BNC2: variants seen among roughly 807,000 people sequenced by gnomAD.
BNC2 encodes the protein zinc finger protein basonuclin-2.
Under a neutral mutation model 76.3 loss-of-function variants are expected in BNC2, and 20 were observed. The observed-to-expected ratio is 0.26, with a 90% CI of 0.18 to 0.38. The LOEUF (loss-of-function observed/expected upper bound fraction) is 0.38. Ranked by LOEUF, BNC2 falls within the 10% of genes least tolerant of loss-of-function variation. The pLI is 1.00. For missense variants in BNC2, 1,382 were observed against 1,399.8 expected (o/e 0.99, Z 0.20); for synonymous variants, 582 against 514.8 (o/e 1.13, Z -1.77).
intron 4 of BNC2, among the ~76,000 whole-genome samples, chr9:16,563,794 G>T (rs1362299418): frequency 6.6e-6 from 1 of 152,072 alleles, no homozygotes; most frequent in East Asian, 1.9e-4. Context: ...ATGGATACAT[G>T]AACTAATCTG....
At chr9:16,785,096 G>A (rs1826249596) in intron 1 of BNC2, among the ~76,000 whole-genome samples, 1 of 152,212 alleles carries the variant, frequency 6.6e-6, no homozygotes, top group Admixed American at 6.5e-5. Flanking sequence ...GAAAGGGAAT[G>A]TGTTTGCACT....
At chr9:16,530,957 G>A (rs539544336) in intron 5 of BNC2, among the ~76,000 whole-genome samples, 51 of 152,238 alleles carry the variant, frequency 3.4e-4, no homozygotes, top group African/African-American at 1.0e-3. Context: ...GCAATGAGCC[G>A]GGAGGGGGCA....
At chr9:16,833,958 C>G (rs567066268) in intron 1 of BNC2, among the ~76,000 whole-genome samples, 1 of 152,306 alleles carries the variant, frequency 6.6e-6, no homozygotes, top group South Asian at 2.1e-4. Flanking sequence ...TCTCTAATCT[C>G]AGGCCTTCAG....
intron 1 of BNC2, among the ~76,000 whole-genome samples, chr9:16,746,223 G>A (rs572657158): frequency 7.2e-5 from 11 of 152,256 alleles, no homozygotes; most frequent in South Asian, 4.1e-4. Flanking sequence ...TACTCTTTGC[G>A]ACTTGTGAGA....
At chr9:16,501,842 G>C (rs530077336) in intron 5 of BNC2, among the ~76,000 whole-genome samples, 88 of 152,252 alleles carry the variant, frequency 5.8e-4, no homozygotes, top group African/African-American at 2.0e-3. Context: ...CCTCTGGTAA[G>C]GTAGGTAAGA....
chr9:16,796,332 G>A (rs542909514), intron 1 of BNC2, among the ~76,000 whole-genome samples: 1 of 152,276 alleles, frequency 6.6e-6, no homozygotes, highest in Non-Finnish European at 1.5e-5. Context: ...CACCCTGATA[G>A]ATTTCATAAC....
At chr9:16,592,416 G>C (rs191410175) in intron 3 of BNC2, among the ~76,000 whole-genome samples, 88 of 152,238 alleles carry the variant, frequency 5.8e-4, no homozygotes, top group African/African-American at 1.9e-3. Flanking sequence ...ACACTAAGCT[G>C]AGTTGCAGGA....
intron 2 of BNC2, among the ~76,000 whole-genome samples, chr9:16,736,108 C>T (rs903165916): frequency 5.9e-5 from 9 of 151,626 alleles, no homozygotes; most frequent in Non-Finnish European, 2.9e-5. Context: ...GTGGCGCATG[C>T]CTGTAATCCC....
At chr9:16,815,017 T>C (rs532021971) in intron 1 of BNC2, among the ~76,000 whole-genome samples, 24 of 151,960 alleles carry the variant, frequency 1.6e-4, no homozygotes, top group Non-Finnish European at 3.2e-4. Context: ...TAAGCTACCA[T>C]GAAAAGAAAT....
chr9:16,830,310 G>A lies in BNC2; in HGVS notation c.3+40336C>T, dbSNP rs761786041. 1.1e-4 allele frequency among the ~76,000 whole-genome samples: 17 copies of A among 152,178 alleles called. 1 individual carries two copies. The highest frequency in any genetic ancestry group is 2.1e-4 in the South Asian group (1 of 4,828). ...CTGTCCCTCAGTATCAGGGTGGTAC[G>A]GAATGGTTGCAGGTCCCTCTGAGGA... On this transcript the variant is annotated intron_variant, in intron 1 of 6. Coordinates refer to ENST00000380672, the MANE Select transcript of BNC2 (RefSeq NM_017637.6).
intron 3 of BNC2, among the ~76,000 whole-genome samples, chr9:16,592,140 A>C (rs920108221): frequency 6.6e-6 from 1 of 152,156 alleles, no homozygotes; most frequent in African/African-American, 2.4e-5. Context: ...AACCTTGAGA[A>C]AAATGTTATG....
chr9:16,448,212 A>G (rs1821266566), intron 5 of BNC2, among the ~76,000 whole-genome samples: 2 of 152,156 alleles, frequency 1.3e-5, no homozygotes, highest in Admixed American at 1.3e-4. Flanking sequence ...TGCATAAACC[A>G]AAGTTCCACT....
chr9:16,832,106 G>A (rs2136028858), intron 1 of BNC2: 1 of 238,820 alleles, frequency 4.2e-6, no homozygotes, highest in South Asian at 4.9e-5. Flanking sequence ...CTGGCTATGA[G>A]TAAAATACTG....
At chr9:16,865,995 C>T (rs1819535038) in intron 1 of BNC2, among the ~76,000 whole-genome samples, 1 of 152,062 alleles carries the variant, frequency 6.6e-6, no homozygotes, top group Non-Finnish European at 1.5e-5. Context: ...ATGAGAGCTA[C>T]TGTGCAAAAG....
At chr9:16,459,262 AAG>A (rs1215056409) in intron 5 of BNC2, among the ~76,000 whole-genome samples, 3 of 152,290 alleles carry the variant, frequency 2.0e-5, no homozygotes, top group South Asian at 2.1e-4. Context: ...ACCTCTACAA[AAG>A]AGTTTCATGC....
chr9:16,494,928 A>G (rs1482205395), intron 5 of BNC2, among the ~76,000 whole-genome samples: 2 of 152,198 alleles, frequency 1.3e-5, no homozygotes, highest in Non-Finnish European at 2.9e-5. Flanking sequence ...ATGTATACCT[A>G]TGTAACAAAC....
intron 1 of BNC2, among the ~76,000 whole-genome samples, chr9:16,782,604 A>G (rs1452831446): frequency 1.3e-5 from 2 of 152,102 alleles, no homozygotes; most frequent in Non-Finnish European, 2.9e-5. Flanking sequence ...CTGACTCTGA[A>G]GAATAAAGAG....
chr9:16,722,250 A>C (rs1023386741), intron 3 of BNC2, among the ~76,000 whole-genome samples: 3 of 152,090 alleles, frequency 2.0e-5, no homozygotes, highest in African/African-American at 7.2e-5. Flanking sequence ...CTTGGTTGTG[A>C]CCCATTCACT....
chr9:16,616,823 G>GGAAGGAAGGAAGGAAA, intron 3 of BNC2, among the ~76,000 whole-genome samples: 1 of 150,950 alleles, frequency 6.6e-6, no homozygotes, highest in Non-Finnish European at 1.5e-5. Flanking sequence ...AAGGAAGAAA[G>GGAAGGAAGGAAGGAAA]GAAGGAAGGA....
Sources: gnomAD v4.1 joint callset for allele counts (sites outside exome capture counted in the v4.1 genomes callset) on GRCh38, gnomAD v4.1.1 for gene constraint, MANE v1.5 for transcripts, NCBI Gene and HGNC (gene_info 2026-07-23, HGNC 2026-07-21) for gene names.